ACTL6B: variants seen among roughly 807,000 people sequenced by gnomAD.
ACTL6B encodes the protein actin-like protein 6B.
Under a neutral mutation model 63.3 loss-of-function variants are expected in ACTL6B, and 48 were observed. The ratio of observed to expected loss-of-function variants is 0.76; its 90% CI spans 0.60 to 0.96. The LOEUF is 0.96. Among genes scored for constraint, ACTL6B ranks in the 50% least tolerant of loss-of-function variants. The probability of loss-of-function intolerance (pLI) is 0.00; values close to 1 mark genes in which losing one functional copy is unlikely to be tolerated. For missense variants in ACTL6B, 350 were observed against 572.2 expected (o/e 0.61, Z 3.96); for synonymous variants, 230 against 223.8 (o/e 1.03, Z -0.25).
Position 100,647,160 on chromosome 7 carries a change from A to G in ACTL6B, c.821+63T>C. The G allele has an allele frequency of 6.4e-7, 1 of 1,556,016 alleles. No individual in the cohort carries two copies. The highest frequency in any genetic ancestry group is 8.9e-7 in the Non-Finnish European group (1 of 1,128,892). On this transcript the variant is annotated intron_variant, in intron 9 of 13. Coordinates refer to ENST00000160382, the MANE Select transcript of ACTL6B (RefSeq NM_016188.5). This position sits in a 1 kb window ranked among gnomAD's most constrained non-coding sequence, Gnocchi z 4.4. ...TGCGTGGGCAGCACCAGAGCCCCCC[A>G]GCCCACCCCAAGAGTGCCGGTTCTG... is the stretch of plus-strand genomic sequence containing the variant.
At chr7:100,650,303 TACAC>T (rs981562477) in intron 4 of ACTL6B, among the ~76,000 whole-genome samples, 168 bp from the exon 5 acceptor site, 17 of 150,202 alleles carry the variant, frequency 1.1e-4, no homozygotes, top group African/African-American at 3.4e-4. Flanking sequence ...CTCACGGTCA[TACAC>T]ACATGCATTC....
At chr7:100,651,481 C>T (rs967571916) in intron 4 of ACTL6B, among the ~76,000 whole-genome samples, 15 of 150,182 alleles carry the variant, frequency 1.0e-4, no homozygotes, top group Admixed American at 2.7e-4. Flanking sequence ...ACCCGGGAAG[C>T]GGAGGTTGCA....
At chr7:100,644,926 C>G (rs1249730100) in intron 13 of ACTL6B, among the ~76,000 whole-genome samples, 1 of 152,016 alleles carries the variant, frequency 6.6e-6, no homozygotes, top group Admixed American at 6.6e-5. Flanking sequence ...CGTGGTGGCT[C>G]ACGCATGTAA....
chr7:100,647,494 T>C lies in ACTL6B; in HGVS notation c.709A>G (p.Lys237Glu). Residue 237 changes from lysine to glutamate, a missense_variant, in exon 8 of 14, where the codon AAG becomes GAG. Lys to Glu is a moderately conservative substitution (Grantham distance 56). This residue lies in a region of ACTL6B where 250 missense variants were observed against 364.7 expected (regional missense o/e 0.69). Coordinates refer to ENST00000160382, the MANE Select transcript of ACTL6B (RefSeq NM_016188.5). This position sits in a 1 kb window ranked among gnomAD's most constrained non-coding sequence, Gnocchi z 4.4. ...REGAPPNWKK[K>E]EKLPQVSKSW... ...TTGGAGACCTGGGGTAGCTTCTCCT[T>C]CTTCTTCCAGTTTGGGGGGGCACCC... 11 of 1,610,854 alleles carry C rather than the reference T, an allele frequency of 6.8e-6. No homozygotes were observed. Among genetic ancestry groups the C allele is most frequent in the Non-Finnish European group, 9.3e-6 (11 of 1,178,388 alleles).
intron 5 of ACTL6B, among the ~76,000 whole-genome samples, 191 bp from the exon 6 acceptor site, chr7:100,649,014 A>C (rs1460359561): frequency 7.8e-6 from 1 of 127,544 alleles, no homozygotes; most frequent in African/African-American, 2.9e-5. Flanking sequence ...TTTTTTTTTG[A>C]GATGGAGTCT....
In ACTL6B at chr7:100,655,411, G is replaced by A. The variant is rs1461026480; in HGVS notation, c.268+10C>T. 3 of 1,612,902 alleles carry A rather than the reference G, an allele frequency of 1.9e-6. No individual in the cohort carries two copies. Among genetic ancestry groups the A allele is most frequent in the Non-Finnish European group, 2.5e-6 (3 of 1,179,388 alleles). ...TTTCTGTCAGGAGGTGATGGGTGGG[G>A]GCCCCTTACTCATGCCATTCTTGAG... is the stretch of plus-strand genomic sequence containing the variant. On this transcript the variant is annotated intron_variant, in intron 3 of 13. Coordinates refer to ENST00000160382, the MANE Select transcript of ACTL6B (RefSeq NM_016188.5). The surrounding 1 kb of genome is among the most constrained non-coding windows in gnomAD (Gnocchi z 4.4).
intron 13 of ACTL6B, among the ~76,000 whole-genome samples, chr7:100,644,886 T>G (rs1240593572): frequency 6.6e-6 from 1 of 151,964 alleles, no homozygotes. Context: ...TGAAACCCCA[T>G]CTCTATTAAC....
rs764045830 is a variant in ACTL6B, at chr7:100,648,817, T to G, written c.474A>C (p.Ala158=). The change falls in exon 6 of 14, where the codon GCA becomes GCC. Residue 158 remains alanine (A), a synonymous_variant. Coordinates refer to ENST00000160382, the MANE Select transcript of ACTL6B (RefSeq NM_016188.5). This position sits in a 1 kb window ranked among gnomAD's most constrained non-coding sequence, Gnocchi z 4.4. ...GCACGAGGCCAGTGGACCGCCCGTT[T>G]GCAAAGCTGGCATCGGATGGGTAAG... ...LCKTAVLTAF[A]NGRSTGLVLD... 1 of 1,613,540 alleles carries G rather than the reference T, an allele frequency of 6.2e-7. No individual in the cohort carries two copies. Among genetic ancestry groups the G allele is most frequent in the South Asian group, 1.1e-5 (1 of 91,040 alleles).
In ACTL6B at chr7:100,646,252, T is replaced by G; in HGVS notation, c.1197A>C (p.Ser399=). Residue 399 remains serine (S), a synonymous_variant, in exon 13 of 14, where the codon TCA becomes TCC. Coordinates refer to ENST00000160382, the MANE Select transcript of ACTL6B (RefSeq NM_016188.5). This position sits in a 1 kb window ranked among gnomAD's most constrained non-coding sequence, Gnocchi z 6.1. ...SPWIGGSILA[S]LGTFQQMWIS... The stretch of plus-strand genomic sequence containing the variant: ...GGCCAGGTCCCTTTCCTCTCACCAG[T>G]GAGGCCAGGATGGAACCCCCGATCC... 6.2e-7 allele frequency: 1 copy of G among 1,613,920 alleles called. No homozygotes were observed. The highest frequency in any genetic ancestry group is 8.5e-7 in the Non-Finnish European group (1 of 1,179,904).
At position 100,646,751 on chromosome 7, in the gene ACTL6B, C is replaced by T. The variant is rs200057183; in HGVS notation, c.1017G>A (p.Pro339=). Residue 339 remains proline (P), a splice_region_variant and synonymous_variant, in exon 11 of 14, where the codon CCG becomes CCA. Transcript: ENST00000160382. This position sits in a 1 kb window ranked among gnomAD's most constrained non-coding sequence, Gnocchi z 6.1. ...SIGMCDIDIR[P]GLYGSVIVTG... is the part of the protein sequence containing the mutation. ...AGCCTCAGCTCCGGCCTGGCCTCAC[C>T]GGGCGAATATCAATGTCACACATGC... 3.7e-6 allele frequency: 6 copies of T among 1,613,710 alleles called. No individual in the cohort carries two copies. The highest frequency in any genetic ancestry group is 1.1e-5 in the South Asian group (1 of 91,076).
At chr7:100,654,909 A>G in intron 4 of ACTL6B, 110 bp downstream of exon 4, 1 of 892,348 alleles carries the variant, frequency 1.1e-6, no homozygotes, top group South Asian at 1.5e-5. Flanking sequence ...CTGAAAAGGG[A>G]AGGGAAGTGG....
In ACTL6B at chr7:100,647,543, C is replaced by T; in HGVS notation, c.670-10G>A. On this transcript the variant is annotated splice_polypyrimidine_tract_variant and intron_variant, in intron 7 of 13. Transcript: ENST00000160382. This position sits in a 1 kb window ranked among gnomAD's most constrained non-coding sequence, Gnocchi z 4.4. ...CCTCCCGGACAGGCTCCTGTGGGGG[C>T]ACAGTGTAGGAACACCCTTTCCTAG... The T allele has an allele frequency of 2.5e-6, 4 of 1,583,414 alleles. No homozygotes were observed. The South Asian group carries it at 4.7e-5, about 19-fold the overall frequency.
At chr7:100,644,689 C>T (rs1803789560) in intron 13 of ACTL6B, among the ~76,000 whole-genome samples, 1 of 152,070 alleles carries the variant, frequency 6.6e-6, no homozygotes, top group Non-Finnish European at 1.5e-5. Flanking sequence ...TCAAATGATC[C>T]TCCCGCCTTG....
intron 4 of ACTL6B, among the ~76,000 whole-genome samples, chr7:100,651,660 T>A (rs1010738208): frequency 6.6e-6 from 1 of 152,100 alleles, no homozygotes; most frequent in Non-Finnish European, 1.5e-5. Context: ...CTAGGCTGAC[T>A]GCAATCTCTG....
chr7:100,648,571 G>A lies in ACTL6B; in HGVS notation c.654C>T (p.Tyr218=), dbSNP rs1803870353. The change falls in exon 7 of 14, where the codon TAC becomes TAT. Residue 218 remains tyrosine, a synonymous_variant. Coordinates refer to ENST00000160382, the MANE Select transcript of ACTL6B (RefSeq NM_016188.5). The surrounding 1 kb of genome is among the most constrained non-coding windows in gnomAD (Gnocchi z 4.4). ...GAGGCCCCACCTTGGCTGCGATCATGTAAGGTGGGATGATGTCAATGGCCA... is the reference window on the plus strand; with the variant it reads ...GAGGCCCCACCTTGGCTGCGATCATATAAGGTGGGATGATGTCAATGGCCA... ...QEMAIDIIPP[Y]MIAAKEPVRE... 1 of 1,609,916 alleles carries A rather than the reference G, an allele frequency of 6.2e-7. No homozygotes were observed.
chr7:100,648,257 C>T lies in ACTL6B; in HGVS notation c.669+299G>A, dbSNP rs761553261. On this transcript the variant is annotated intron_variant, in intron 7 of 13. Coordinates refer to ENST00000160382, the MANE Select transcript of ACTL6B (RefSeq NM_016188.5). The surrounding 1 kb of genome is among the most constrained non-coding windows in gnomAD (Gnocchi z 4.4). ...ACAGGTGTGAGCCACCATGCCTGACCGGTCCTGCAGCTCTTGCACGGCAGA... is the reference window on the plus strand; with the variant it reads ...ACAGGTGTGAGCCACCATGCCTGACTGGTCCTGCAGCTCTTGCACGGCAGA... 3.0e-5 allele frequency: 7 copies of T among 231,562 alleles called. No individual in the cohort carries two copies. The highest frequency in any genetic ancestry group is 9.8e-5 in the East Asian group (1 of 10,246). 14.3% of individuals were successfully genotyped at this position (231,562 alleles called of 1,614,324 possible).
At position 100,648,911 on chromosome 7, in the gene ACTL6B, G is replaced by A. The variant is rs759534424; in HGVS notation, c.468-88C>T. The A allele has an allele frequency of 1.7e-4, 229 of 1,343,178 alleles. No individual in the cohort carries two copies. The highest frequency in any genetic ancestry group is 2.2e-4 in the Non-Finnish European group (216 of 988,754). 83.2% of individuals were successfully genotyped at this position (1,343,178 alleles called of 1,614,324 possible). On this transcript the variant is annotated intron_variant, in intron 5 of 13. Coordinates refer to ENST00000160382, the MANE Select transcript of ACTL6B (RefSeq NM_016188.5). The surrounding 1 kb of genome is among the most constrained non-coding windows in gnomAD (Gnocchi z 4.4). ...TTGTCTGGTCACTCTCTGCTCTACC[G>A]GGGTCCAGCCCATCCCCAGTCTGCA... is the stretch of plus-strand genomic sequence containing the variant.
Position 100,655,385 on chromosome 7 carries a change from T to C in ACTL6B, c.268+36A>G, listed in dbSNP as rs112144431. The stretch of plus-strand genomic sequence containing the variant: ...ACCCAGATTGTGGGGAGCGGGCTCC[T>C]TTTCTGTCAGGAGGTGATGGGTGGG... On this transcript the variant is annotated intron_variant, in intron 3 of 13. Transcript: ENST00000160382. The surrounding 1 kb of genome is among the most constrained non-coding windows in gnomAD (Gnocchi z 4.4). The C allele has an allele frequency of 6.2e-7, 1 of 1,600,432 alleles. No individual in the cohort carries two copies. Among genetic ancestry groups the C allele is most frequent in the African/African-American group, 1.3e-5 (1 of 74,494 alleles).
chr7:100,655,463 G>A lies in ACTL6B; in HGVS notation c.226C>T (p.Arg76Trp). 3 of 1,614,140 alleles carry A rather than the reference G, an allele frequency of 1.9e-6. No homozygotes were observed. The highest frequency in any genetic ancestry group is 1.3e-5 in the African/African-American group (1 of 75,032). ...HIDTNALHVP[R>W]DGAEVMSPLK... The stretch of plus-strand genomic sequence containing the variant: ...GGCGACATGACCTCCGCTCCATCCC[G>A]AGGCACGTGCAGGGCATTGGTGTCG... Residue 76 changes from arginine to tryptophan, a missense_variant, in exon 3 of 14, where the codon CGG becomes TGG. Physicochemically the swap from Arg to Trp is moderately radical, Grantham distance 101. Transcript: ENST00000160382. This position sits in a 1 kb window ranked among gnomAD's most constrained non-coding sequence, Gnocchi z 4.4.
Sources: gnomAD v4.1 joint callset for allele counts (sites outside exome capture counted in the v4.1 genomes callset) on GRCh38, gnomAD v4.1.1 for gene constraint, gnomAD v4.1.1 regional missense constraint, Gnocchi (gnomAD v3.1) non-coding constraint, MANE v1.5 for transcripts, NCBI Gene and HGNC (gene_info 2026-07-23, HGNC 2026-07-21) for gene names.